Variants in ARL15 observed in about 807,000 individuals in gnomAD.
ARL15 encodes ADP-ribosylation factor-like protein 15.
Under a neutral mutation model 25.2 loss-of-function variants are expected in ARL15, and 19 were observed. The observed-to-expected ratio is 0.75, with a 90% CI of 0.53 to 1.10. The LOEUF (loss-of-function observed/expected upper bound fraction) is 1.10, where lower values mean the gene tolerates loss of function less well. ARL15 is among the 50% of genes least tolerant of loss of function. The probability of loss-of-function intolerance (pLI) is 0.00; values close to 1 mark genes in which losing one functional copy is unlikely to be tolerated. For synonymous variants in ARL15, 94 were observed against 86.8 expected (o/e 1.08, Z -0.46); for missense variants, 220 against 246.0 (o/e 0.89, Z 0.71).
chr5:54,244,521 G>T (rs1454577966), intron 1 of ARL15, among the ~76,000 whole-genome samples: 1 of 152,102 alleles, frequency 6.6e-6, no homozygotes, highest in Non-Finnish European at 1.5e-5. Flanking sequence ...TTCTAAAACG[G>T]GAAAAAAAGG....
At chr5:54,124,359 C>T (rs532413318) in intron 3 of ARL15, among the ~76,000 whole-genome samples, 8 of 152,256 alleles carry the variant, frequency 5.3e-5, no homozygotes, top group South Asian at 2.1e-4. Context: ...ATAGGATCAA[C>T]GTCCATTTTT....
At position 54,006,425 on chromosome 5, in the gene ARL15, AAG is replaced by A. The variant is rs1335785208; in HGVS notation, c.462+106775_462+106776del. On this transcript the variant is annotated intron_variant, in intron 4 of 4. Coordinates refer to ENST00000504924, the MANE Select transcript of ARL15 (RefSeq NM_019087.3). ...GTGTAAATACATATGCACAACAAAA[AAG>A]ATTTTTTTTTTTTACAAAACAGTGT... Among the ~76,000 whole-genome samples the A allele has an allele frequency of 2.9e-5, 4 of 140,038 alleles. No individual in the cohort carries two copies. In the Admixed American group the frequency reaches 2.9e-4, roughly 10 times the overall value. The allele number at this position is 140,038 out of a possible 152,430, so 91.9% of individuals were successfully genotyped here.
rs564992309 is a variant in ARL15, at chr5:54,236,647, A to G, written c.49-64719T>C. The stretch of plus-strand genomic sequence containing the variant: ...AATTTCTATTGGCAACACTTCTGTG[A>G]AATTCTACTGGTCCTTTATAATGTG... On this transcript the variant is annotated intron_variant, in intron 1 of 4. Coordinates refer to ENST00000504924, the MANE Select transcript of ARL15 (RefSeq NM_019087.3). Among the ~76,000 whole-genome samples the G allele has an allele frequency of 1.6e-4, 25 of 152,378 alleles. No individual in the cohort carries two copies. The South Asian group carries it at 5.0e-3, about 30-fold the overall frequency.
chr5:54,096,885 T>A (rs1031280670), intron 4 of ARL15, among the ~76,000 whole-genome samples: 22 of 152,134 alleles, frequency 1.4e-4, no homozygotes, highest in Admixed American at 1.4e-3. Context: ...TTAAATTTGG[T>A]CTATTTAATG....
chr5:53,969,340 A>G (rs1205110115), intron 4 of ARL15, among the ~76,000 whole-genome samples: 1 of 152,184 alleles, frequency 6.6e-6, no homozygotes, highest in East Asian at 1.9e-4. Context: ...GGGGCCAAAT[A>G]GTATCATACT....
At chr5:54,153,533 TTTGGAGTCAAAATGACAAAACC>T (rs1315725185) in intron 3 of ARL15, among the ~76,000 whole-genome samples, 1 of 152,206 alleles carries the variant, frequency 6.6e-6, no homozygotes, top group Non-Finnish European at 1.5e-5. Flanking sequence ...TTTTATAATT[TTTGGAGTCAAAATGACAAAACC>T]AAATGTCTTA....
chr5:54,031,572 T>C (rs1424782592), intron 4 of ARL15, among the ~76,000 whole-genome samples: 3 of 152,184 alleles, frequency 2.0e-5, no homozygotes, highest in Non-Finnish European at 4.4e-5. Flanking sequence ...TTCAGTGATA[T>C]AATTCACTTG....
rs1165294398 is a variant in ARL15 at position 54,163,345 on chromosome 5, T to C, written c.193+8439A>G. ...TTTGTATCTGTGTCCATGAGGGCTATTGGTATGAAGCTTTTTTTTTTTTTT... is the reference window on the plus strand; with the variant it reads ...TTTGTATCTGTGTCCATGAGGGCTACTGGTATGAAGCTTTTTTTTTTTTTT... On this transcript the variant is annotated intron_variant, in intron 2 of 4. Coordinates refer to ENST00000504924, the MANE Select transcript of ARL15 (RefSeq NM_019087.3). Among the ~76,000 whole-genome samples the C allele has an allele frequency of 1.4e-5, 2 of 143,024 alleles. 1 individual carries two copies. The highest frequency in any genetic ancestry group is 4.1e-4 in the East Asian group (2 of 4,884). The allele number at this position is 143,024 out of a possible 152,430, so 93.8% of individuals were successfully genotyped here.
chr5:54,172,995 G>C (rs1754765414), intron 1 of ARL15, among the ~76,000 whole-genome samples: 1 of 151,952 alleles, frequency 6.6e-6, no homozygotes, highest in Non-Finnish European at 1.5e-5. Flanking sequence ...TCTGGCCAAT[G>C]TGGTGAAACC....
At chr5:53,935,536 G>A (rs2112067187) in intron 4 of ARL15, among the ~76,000 whole-genome samples, 1 of 152,256 alleles carries the variant, frequency 6.6e-6, no homozygotes, top group South Asian at 2.1e-4. Flanking sequence ...AAACTTCAGT[G>A]CCTGGGATAG....
At chr5:54,263,636 T>G (rs748254381) in intron 1 of ARL15, among the ~76,000 whole-genome samples, 2 of 152,070 alleles carry the variant, frequency 1.3e-5, no homozygotes, top group Non-Finnish European at 2.9e-5. Flanking sequence ...ACAGCAACCC[T>G]CTCCATTTGG....
At chr5:54,145,670 G>T (rs1009709250) in intron 3 of ARL15, among the ~76,000 whole-genome samples, 3 of 152,074 alleles carry the variant, frequency 2.0e-5, no homozygotes, top group Non-Finnish European at 2.9e-5. Flanking sequence ...GCATGGCAGG[G>T]ATTGCATCCT....
At chr5:54,070,379 G>A (rs1434915956) in intron 4 of ARL15, among the ~76,000 whole-genome samples, 1 of 151,570 alleles carries the variant, frequency 6.6e-6, no homozygotes, top group East Asian at 2.0e-4. Context: ...GCGACAGAGC[G>A]AGACTCCGTC....
At chr5:53,918,378 G>A (rs189926691) in intron 4 of ARL15, among the ~76,000 whole-genome samples, 2 of 151,264 alleles carry the variant, frequency 1.3e-5, no homozygotes, top group African/African-American at 2.5e-5. Context: ...AGTAGAGATG[G>A]GGGGGGATCT....
At chr5:54,025,254 A>C (rs1224244751) in intron 4 of ARL15, among the ~76,000 whole-genome samples, 1 of 151,184 alleles carries the variant, frequency 6.6e-6, no homozygotes, top group Non-Finnish European at 1.5e-5. Flanking sequence ...TTGAATACAC[A>C]CATATGATAT....
intron 1 of ARL15, among the ~76,000 whole-genome samples, chr5:54,216,596 A>G (rs571500680): frequency 6.6e-6 from 1 of 152,100 alleles, no homozygotes; most frequent in South Asian, 2.1e-4. Flanking sequence ...CAGTTATAAT[A>G]GTTGTCTCTA....
At chr5:54,091,642 G>A (rs1752130641) in intron 4 of ARL15, among the ~76,000 whole-genome samples, 1 of 152,160 alleles carries the variant, frequency 6.6e-6, no homozygotes, top group South Asian at 2.1e-4. Context: ...TGTTCCCCAG[G>A]TGGTGTGCCC....
At chr5:53,933,911 T>G (rs1335632665) in intron 4 of ARL15, among the ~76,000 whole-genome samples, 1 of 152,214 alleles carries the variant, frequency 6.6e-6, no homozygotes, top group Non-Finnish European at 1.5e-5. Context: ...CCCAAGGTTA[T>G]GTAAATGACC....
chr5:53,892,032 A>G (rs1744730323), intron 4 of ARL15, among the ~76,000 whole-genome samples: 1 of 152,166 alleles, frequency 6.6e-6, no homozygotes, highest in African/African-American at 2.4e-5. Flanking sequence ...AGTGACCATA[A>G]AAGACCGTTT....
Sources: gnomAD v4.1 joint callset for allele counts (sites outside exome capture counted in the v4.1 genomes callset) on GRCh38, gnomAD v4.1.1 for gene constraint, MANE v1.5 for transcripts, NCBI Gene and HGNC (gene_info 2026-07-23, HGNC 2026-07-21) for gene names.